DCAF6: variants seen among roughly 807,000 people sequenced by gnomAD.
The protein encoded by DCAF6 is DDB1- and CUL4-associated factor 6.
DCAF6 carries 54 observed loss-of-function variants against 125.1 expected under a neutral mutation model. That is an observed-to-expected ratio of 0.43 (90% CI 0.35 to 0.54). DCAF6 has a LOEUF of 0.54. DCAF6 is among the 20% of genes least tolerant of loss of function. The probability of loss-of-function intolerance (pLI) is 0.01; values close to 1 mark genes in which losing one functional copy is unlikely to be tolerated. For synonymous variants in DCAF6, 371 were observed against 390.4 expected (o/e 0.95, Z 0.58); for missense variants, 934 against 1,161.7 (o/e 0.80, Z 2.85).
chr1:168,022,919 G>A, intron 11 of DCAF6, 69 bp from the exon 12 acceptor site: 2 of 1,384,464 alleles, frequency 1.4e-6, no homozygotes, highest in East Asian at 2.3e-5. Context: ...TAAGCTTAGA[G>A]ATGATCATGA....
the DCAF6 span, among the ~76,000 whole-genome samples, chr1:167,872,005 A>C: frequency 5.3e-5 from 8 of 152,316 alleles, no homozygotes; most frequent in East Asian, 1.3e-3. Context: ...TGTGTACCCT[A>C]GAACTTAAAG....
At chr1:167,872,173 T>C in the DCAF6 span, among the ~76,000 whole-genome samples, 10,043 of 152,162 alleles carry the variant, frequency 0.066, 386 homozygotes, top group South Asian at 0.1. Flanking sequence ...ACCCCGTCTC[T>C]ATTAAAAATA....
At chr1:167,929,353 C>G in the DCAF6 span, among the ~76,000 whole-genome samples, 1 of 151,646 alleles carries the variant, frequency 6.6e-6, no homozygotes, top group South Asian at 2.1e-4. Flanking sequence ...GAGCGAAACT[C>G]CGTCTCGAAA....
chr1:168,035,432 G>A (rs907776708), intron 12 of DCAF6, among the ~76,000 whole-genome samples: 2 of 152,176 alleles, frequency 1.3e-5, no homozygotes, highest in African/African-American at 4.8e-5. Context: ...GGACGACGGA[G>A]TGAGACTCTG....
intron 1 of DCAF6, among the ~76,000 whole-genome samples, chr1:167,941,857 G>A (rs1672294234): frequency 6.6e-6 from 1 of 152,130 alleles, no homozygotes; most frequent in African/African-American, 2.4e-5. Context: ...TCTATTGTGG[G>A]ATTGCTGACT....
At chr1:167,912,926 C>T in the DCAF6 span, among the ~76,000 whole-genome samples, 48 of 152,304 alleles carry the variant, frequency 3.2e-4, no homozygotes, top group African/African-American at 1.1e-3. Flanking sequence ...GCTGGAATAT[C>T]CAGGTCTGTG....
In DCAF6 at chr1:167,974,910, T is replaced by A; in HGVS notation, c.333T>A (p.Ile111=). The change falls in exon 4 of 22, where the codon ATT becomes ATA. Residue 111 remains isoleucine, a synonymous_variant. Coordinates refer to ENST00000367840, the MANE Select transcript of DCAF6 (RefSeq NM_001198956.2). ...KFLPCTNDKQ[I]VSCSGDGVIF... ...TACCTTGTACAAATGATAAACAGAT[T>A]GTATCCTGCTCTGGAGATGGAGTAA... 1.2e-6 allele frequency: 2 copies of A among 1,609,196 alleles called. No individual in the cohort carries two copies. The highest frequency in any genetic ancestry group is 1.7e-6 in the Non-Finnish European group (2 of 1,177,692).
chr1:168,063,946 A>G, intron 18 of DCAF6, 187 bp downstream of exon 18: 3 of 481,820 alleles, frequency 6.2e-6, no homozygotes, highest in Non-Finnish European at 1.0e-5. Context: ...ATTATTTTTT[A>G]CAAGAAAACT....
chr1:167,918,206 A>G, the DCAF6 span: 1 of 720,876 alleles, frequency 1.4e-6, no homozygotes. Context: ...AGAACTAGCT[A>G]CCAGTTACAG....
At chr1:167,956,835 G>A (rs956396589) in intron 2 of DCAF6, among the ~76,000 whole-genome samples, 1 of 151,538 alleles carries the variant, frequency 6.6e-6, no homozygotes, top group Non-Finnish European at 1.5e-5. Context: ...TATTTCTATG[G>A]CCATCTGTTA....
In DCAF6 at chr1:167,993,228, A is replaced by T. The variant is rs763156521; in HGVS notation, c.691A>T (p.Asn231Tyr). ...ATAACTTCTTGTTTCTTTTTTAGGGAATTATGCAGGTCGAGGGACTACTGG... is the reference window on the plus strand; with the variant it reads ...ATAACTTCTTGTTTCTTTTTTAGGGTATTATGCAGGTCGAGGGACTACTGG... ...RRMLGTRATGNYAGRGTTGMV... is the reference protein window; with the variant it reads ...RRMLGTRATGYYAGRGTTGMV... Residue 231 changes from asparagine to tyrosine, a missense_variant and splice_region_variant, in exon 7 of 22, where the codon AAT (asparagine) becomes TAT (tyrosine). Physicochemically the swap from Asn to Tyr is moderately radical, Grantham distance 143. This residue lies in a region of DCAF6 where 309 missense variants were observed against 381.2 expected (regional missense o/e 0.81). Transcript: ENST00000367840. 6 of 1,610,206 alleles carry T rather than the reference A, an allele frequency of 3.7e-6. No individual in the cohort carries two copies. The highest frequency in any genetic ancestry group is 1.1e-5 in the South Asian group (1 of 90,012).
chr1:168,056,078 A>G (rs1690711528), intron 17 of DCAF6: 1 of 1,594,576 alleles, frequency 6.3e-7, no homozygotes, highest in Admixed American at 1.7e-5. Flanking sequence ...CTCCTGATAA[A>G]GGAGAATAGA....
At chr1:168,027,688 CA>C (rs1686521591) in intron 12 of DCAF6, among the ~76,000 whole-genome samples, 1 of 151,950 alleles carries the variant, frequency 6.6e-6, no homozygotes, top group African/African-American at 2.4e-5. Context: ...TTACCAAGGA[CA>C]AAAATGTTAC....
At chr1:167,913,182 T>C in the DCAF6 span, among the ~76,000 whole-genome samples, 1 of 152,104 alleles carries the variant, frequency 6.6e-6, no homozygotes, top group African/African-American at 2.4e-5. Flanking sequence ...TGAGGATACC[T>C]GAGTCAAAAG....
chr1:167,951,217 T>C (rs1192658487), intron 1 of DCAF6, among the ~76,000 whole-genome samples: 1 of 152,188 alleles, frequency 6.6e-6, no homozygotes, highest in Non-Finnish European at 1.5e-5. Flanking sequence ...GTTGAATGAA[T>C]AAATGAAGAA....
chr1:167,936,507 A>T (rs1671229540), upstream of DCAF6: 1 of 217,418 alleles, frequency 4.6e-6, no homozygotes, highest in Admixed American at 5.6e-5. Flanking sequence ...GCATTCTTCC[A>T]GGGTGAGGGC....
intron 17 of DCAF6, among the ~76,000 whole-genome samples, chr1:168,061,070 A>G: frequency 6.6e-6 from 1 of 152,022 alleles, no homozygotes; most frequent in African/African-American, 2.4e-5. Flanking sequence ...TTTTTCTTCC[A>G]TTCAGAAAAA....
chr1:167,964,403 G>A (rs1279051732), intron 2 of DCAF6, among the ~76,000 whole-genome samples: 1 of 152,290 alleles, frequency 6.6e-6, no homozygotes, highest in African/African-American at 2.4e-5. Context: ...TTTCTGAGGA[G>A]ATGTTGGATG....
chr1:167,899,657 A>T, the DCAF6 span: 1 of 1,607,278 alleles, frequency 6.2e-7, no homozygotes, highest in South Asian at 1.1e-5. Flanking sequence ...ATAGGTTTGC[A>T]CAAGAAGTTC....
Sources: gnomAD v4.1 joint callset for allele counts (sites outside exome capture counted in the v4.1 genomes callset) on GRCh38, gnomAD v4.1.1 for gene constraint, gnomAD v4.1.1 regional missense constraint, MANE v1.5 for transcripts, NCBI Gene and HGNC (gene_info 2026-07-23, HGNC 2026-07-21) for gene names.